The following ADAM22 variants were observed in gnomAD, a reference collection of about 807,000 sequenced individuals.
ADAM22 encodes the protein disintegrin and metalloproteinase domain-containing protein 22.
Under a neutral mutation model 144.6 loss-of-function variants are expected in ADAM22, and 65 were observed. The ratio of observed to expected loss-of-function variants is 0.45; its 90% CI spans 0.37 to 0.55. The LOEUF (loss-of-function observed/expected upper bound fraction) is 0.55, where lower values mean the gene tolerates loss of function less well. Ranked by LOEUF, ADAM22 falls within the 20% of genes least tolerant of loss-of-function variation. The pLI is 0.00. For synonymous variants in ADAM22, 391 were observed against 412.6 expected (o/e 0.95, Z 0.63); for missense variants, 974 against 1,184.9 (o/e 0.82, Z 2.61).
intron 3 of ADAM22, among the ~76,000 whole-genome samples, chr7:87,998,344 T>C (rs1228941494): frequency 6.6e-6 from 1 of 152,164 alleles, no homozygotes; most frequent in Non-Finnish European, 1.5e-5. Context: ...ACAGGGCTCA[T>C]GGGATTACAT....
At chr7:87,988,829 T>C (rs1789079156) in intron 3 of ADAM22, among the ~76,000 whole-genome samples, 1 of 152,202 alleles carries the variant, frequency 6.6e-6, no homozygotes. Flanking sequence ...TAACCCTCTC[T>C]AGTAGACATG....
At chr7:88,171,451 T>G in intron 25 of ADAM22, 93 bp from the exon 26 acceptor site, 1 of 1,164,790 alleles carries the variant, frequency 8.6e-7, no homozygotes, top group Non-Finnish European at 1.2e-6. Flanking sequence ...CAATGAAAGC[T>G]AGAGCTTTTA....
At chr7:87,934,840 C>A in intron 1 of ADAM22, 186 bp from the exon 2 acceptor site, 2 of 808,804 alleles carry the variant, frequency 2.5e-6, no homozygotes, top group Non-Finnish European at 3.9e-6. Flanking sequence ...TGGTTGCTCT[C>A]GGATGAGCTG....
chr7:87,945,657 C>A (rs1314586468), intron 2 of ADAM22, among the ~76,000 whole-genome samples: 1 of 151,760 alleles, frequency 6.6e-6, no homozygotes, highest in Non-Finnish European at 1.5e-5. Flanking sequence ...GGATTACAGG[C>A]GCCTGCCACC....
chr7:88,039,730 T>G (rs898492525), intron 3 of ADAM22, among the ~76,000 whole-genome samples: 1 of 151,632 alleles, frequency 6.6e-6, no homozygotes, highest in Admixed American at 6.6e-5. Flanking sequence ...TTTCTTTTTC[T>G]CACTATCTTG....
chr7:88,169,388 A>C (rs1843702763), intron 25 of ADAM22, among the ~76,000 whole-genome samples: 1 of 152,136 alleles, frequency 6.6e-6, no homozygotes. Flanking sequence ...ATGAGCATCT[A>C]GCCCTGTACC....
intron 3 of ADAM22, among the ~76,000 whole-genome samples, chr7:88,045,982 T>A (rs1804598034): frequency 6.6e-6 from 1 of 151,324 alleles, no homozygotes; most frequent in Admixed American, 6.6e-5. Flanking sequence ...GATACTTAGT[T>A]TGACCCCATA....
Position 88,018,245 on chromosome 7 carries a change from A to T in ADAM22, c.323+39833A>T, listed in dbSNP as rs181927147. The stretch of plus-strand genomic sequence containing the variant: ...CTTCCTTTTTTGTCCTTTGAAAATA[A>T]AAGGTCCAGATGTAGCACCCAGAAA... On this transcript the variant is annotated intron_variant, in intron 3 of 31. Coordinates refer to ENST00000413139, the MANE Select transcript of ADAM22 (RefSeq NM_001324418.2). Among the ~76,000 whole-genome samples, 305 of 152,298 alleles carry T rather than the reference A, an allele frequency of 2.0e-3. 11 individuals carry two copies. The highest frequency in any genetic ancestry group is 0.019 in the Admixed American group (284 of 15,290).
At chr7:88,001,395 G>C (rs1188936691) in intron 3 of ADAM22, among the ~76,000 whole-genome samples, 2 of 152,146 alleles carry the variant, frequency 1.3e-5, no homozygotes, top group Admixed American at 6.5e-5. Context: ...TTTTACACTT[G>C]TAGTATCATG....
chr7:88,068,621 T>A (rs1347200414), intron 3 of ADAM22, among the ~76,000 whole-genome samples: 6 of 152,202 alleles, frequency 3.9e-5, no homozygotes, highest in Non-Finnish European at 8.8e-5. Flanking sequence ...ATCTTTACAG[T>A]GTATATTGTT....
chr7:87,934,907 A>G, intron 1 of ADAM22, 119 bp from the exon 2 acceptor site: 1 of 1,401,630 alleles, frequency 7.1e-7, no homozygotes, highest in South Asian at 1.2e-5. Context: ...TCCGAGAGGG[A>G]GGGGGCGGTG....
chr7:88,075,161 CA>C (rs1563157626), intron 3 of ADAM22, among the ~76,000 whole-genome samples: 2 of 151,916 alleles, frequency 1.3e-5, no homozygotes, highest in African/African-American at 2.4e-5. Flanking sequence ...TATTCCATTT[CA>C]TTTCTTTTAA....
chr7:88,158,546 TA>T (rs1840651348), intron 22 of ADAM22, among the ~76,000 whole-genome samples: 1 of 152,002 alleles, frequency 6.6e-6, no homozygotes, highest in South Asian at 2.1e-4. Context: ...ACTAAAATCA[TA>T]CCAAACCCAC....
At chr7:88,191,367 A>T (rs1243906606) in intron 30 of ADAM22, among the ~76,000 whole-genome samples, 2 of 152,248 alleles carry the variant, frequency 1.3e-5, no homozygotes, top group Non-Finnish European at 2.9e-5. Context: ...GCTGCAGCAG[A>T]TTAAAAAGAT....
chr7:88,119,149 TG>T (rs1292559700), intron 7 of ADAM22, among the ~76,000 whole-genome samples: 1 of 152,166 alleles, frequency 6.6e-6, no homozygotes, highest in East Asian at 1.9e-4. Flanking sequence ...GAACATATTC[TG>T]GGAAAATCTT....
chr7:88,000,086 T>A (rs1403711646), intron 3 of ADAM22, among the ~76,000 whole-genome samples: 1 of 152,226 alleles, frequency 6.6e-6, no homozygotes, highest in Non-Finnish European at 1.5e-5. Context: ...AAATAATATA[T>A]TTTCCAATAG....
intron 3 of ADAM22, among the ~76,000 whole-genome samples, chr7:88,008,220 G>T (rs1794460312): frequency 6.6e-6 from 1 of 151,374 alleles, no homozygotes; most frequent in East Asian, 1.9e-4. Flanking sequence ...ACACCAGTTA[G>T]AATGGCAATC....
chr7:88,073,421 C>T (rs1469413450), intron 3 of ADAM22, among the ~76,000 whole-genome samples: 1 of 152,180 alleles, frequency 6.6e-6, no homozygotes, highest in South Asian at 2.1e-4. Context: ...AAACACCCCT[C>T]ATCTCATTAA....
intron 7 of ADAM22, among the ~76,000 whole-genome samples, chr7:88,125,143 T>C (rs1830109902): frequency 6.6e-6 from 1 of 152,038 alleles, no homozygotes; most frequent in African/African-American, 2.4e-5. Flanking sequence ...TATAAATTAA[T>C]TGGAAAAAAT....
Sources: gnomAD v4.1 joint callset for allele counts (sites outside exome capture counted in the v4.1 genomes callset) on GRCh38, gnomAD v4.1.1 for gene constraint, MANE v1.5 for transcripts, NCBI Gene and HGNC (gene_info 2026-07-23, HGNC 2026-07-21) for gene names.